Variants in FCHSD1 observed in about 807,000 individuals in gnomAD.
FCHSD1 encodes the protein F-BAR and double SH3 domains protein 1.
In FCHSD1, 109 loss-of-function variants were observed where a neutral mutation model predicts 101.3. The ratio of observed to expected loss-of-function variants is 1.08; its 90% confidence interval spans 0.92 to 1.26. The LOEUF (loss-of-function observed/expected upper bound fraction) is 1.26, where lower values mean the gene tolerates loss of function less well. Ranked by LOEUF, FCHSD1 falls within the 50% of genes most tolerant of loss-of-function variation. FCHSD1 has a pLI of 0.00. For synonymous variants in FCHSD1, 291 were observed against 356.8 expected (o/e 0.82, Z 2.08); for missense variants, 820 against 895.8 (o/e 0.92, Z 1.08).
At position 141,645,213 on chromosome 5, in the gene FCHSD1, C is replaced by T. The variant is rs569678362; in HGVS notation, c.1312-65G>A. The T allele has an allele frequency of 8.6e-6, 13 of 1,510,890 alleles. No individual in the cohort carries two copies. In the Admixed American group the frequency reaches 2.3e-4, roughly 27 times the overall value. The allele number at this position is 1,510,890 out of a possible 1,614,324, so 93.6% of individuals were successfully genotyped here. ...TCAAGCACTGGTTCTATCTCCCACT[C>T]TTCCATCTTTCCTCTAAAGGACACC... On this transcript the variant is annotated intron_variant, in intron 13 of 19. Coordinates refer to ENST00000435817, the MANE Select transcript of FCHSD1 (RefSeq NM_033449.3).
chr5:141,643,216 C>CGTTGG, intron 17 of FCHSD1, 128 bp from the exon 18 acceptor site: 1 of 543,090 alleles, frequency 1.8e-6, no homozygotes, highest in Non-Finnish European at 3.0e-6. Context: ...TGCTTGCATT[C>CGTTGG]GGTGGGGGGG....
rs1481980266 is a variant in FCHSD1 at position 141,651,408 on chromosome 5, C to G, written c.-40G>C. 3 of 1,550,266 alleles carry G rather than the reference C, an allele frequency of 1.9e-6. No homozygotes were observed. Among genetic ancestry groups the G allele is most frequent in the African/African-American group, 1.4e-5 (1 of 73,042 alleles). ...GGCGGTCAGCCACTGGACTCCGGAA[C>G]TGGAGGAAGCCCCGCCCACTATGGA... On this transcript the variant is annotated 5_prime_UTR_variant, in exon 1 of 20. Coordinates refer to ENST00000435817, the MANE Select transcript of FCHSD1 (RefSeq NM_033449.3).
At position 141,640,740 on chromosome 5, in the gene FCHSD1, C is replaced by A; in HGVS notation, c.*758G>T. ...GGTGGGTGGGCGTGAAAGCCCTCCC[C>A]TCCACTGGACAGCACTGCCCCCCAG... On this transcript the variant is annotated 3_prime_UTR_variant, in exon 20 of 20. Transcript: ENST00000435817. 7.1e-7 allele frequency: 1 copy of A among 1,406,780 alleles called. No individual in the cohort carries two copies. Among genetic ancestry groups the A allele is most frequent in the Non-Finnish European group, 9.6e-7 (1 of 1,037,358 alleles). 87.1% of individuals were successfully genotyped at this position (1,406,780 alleles called of 1,614,324 possible). A position where few individuals can be genotyped will look rare whatever the true frequency, so the allele number is the denominator to read the frequency against.
intron 1 of FCHSD1, 71 bp from the exon 2 acceptor site, chr5:141,651,188 A>G: frequency 1.4e-5 from 13 of 925,530 alleles, no homozygotes; most frequent in Non-Finnish European, 1.9e-5. Context: ...GGGAGCGGTG[A>G]GGGGGCGGGG....
At chr5:141,644,467 G>A (rs2099907406) in intron 16 of FCHSD1, 29 bp from the exon 17 acceptor site, 1 of 1,610,234 alleles carries the variant, frequency 6.2e-7, no homozygotes, top group Non-Finnish European at 8.5e-7. Flanking sequence ...GACGGTGAGA[G>A]GGAGGTGGGT....
In FCHSD1 at chr5:141,647,425, G is replaced by C. The variant is rs777736671; in HGVS notation, c.801C>G (p.Ala267=). The change falls in exon 9 of 20, where the codon GCC becomes GCG. Residue 267 remains alanine (A), a synonymous_variant. Transcript: ENST00000435817. ...GGGAGGTTGTCTGCTCCCCGCGGTG[G>C]GCATGCTCCAGGATGACCTCTGCGG... is the stretch of plus-strand genomic sequence containing the variant. The part of the protein sequence containing the change: ...LEAAEVILEH[A]HRGEQTTSQV... 7 of 1,604,168 alleles carry C rather than the reference G, an allele frequency of 4.4e-6. No individual in the cohort carries two copies. The South Asian group carries it at 7.8e-5, about 18-fold the overall frequency.
Position 141,647,078 on chromosome 5 carries a change from C to A in FCHSD1, c.924+57G>T, listed in dbSNP as rs931129588. 3.4e-6 allele frequency: 5 copies of A among 1,457,520 alleles called. No individual in the cohort carries two copies. In the African/African-American group the frequency reaches 5.6e-5, roughly 16 times the overall value. The allele number at this position is 1,457,520 out of a possible 1,614,324, so 90.3% of individuals were successfully genotyped here. A position where few individuals can be genotyped will look rare whatever the true frequency, so the allele number is the denominator to read the frequency against. ...CACAAAACAAAGATAATGGAGGAGGCCTAAATCATAATCGCCTTTATATGT... is the reference window on the plus strand; with the variant it reads ...CACAAAACAAAGATAATGGAGGAGGACTAAATCATAATCGCCTTTATATGT... On this transcript the variant is annotated intron_variant, in intron 10 of 19. Coordinates refer to ENST00000435817, the MANE Select transcript of FCHSD1 (RefSeq NM_033449.3).
chr5:141,650,980 G>A, intron 2 of FCHSD1, 40 bp downstream of exon 2: 4 of 1,531,024 alleles, frequency 2.6e-6, no homozygotes, highest in Non-Finnish European at 3.6e-6. Context: ...GGCGCACAAC[G>A]ACGAAGGTGA....
In FCHSD1 at chr5:141,650,956, T is replaced by TATTG. The variant is rs2099908312; in HGVS notation, c.119+60_119+63dup. The TATTG allele has an allele frequency of 9.1e-6, 13 of 1,433,418 alleles. 1 individual carries two copies. The highest frequency in any genetic ancestry group is 1.2e-5 in the Non-Finnish European group (12 of 1,039,432). 88.8% of individuals were successfully genotyped at this position (1,433,418 alleles called of 1,614,324 possible). The stretch of plus-strand genomic sequence containing the variant: ...CTGTTCCTCCACCCCAGCACATGTA[T>TATTG]ATTGGGGAGAAGTGGCGCACAACGA... On this transcript the variant is annotated intron_variant, in intron 2 of 19. Transcript: ENST00000435817.
Position 141,649,653 on chromosome 5 carries a change from T to G in FCHSD1, c.234-117A>C. Reference sequence around the variant, plus strand: ...GACAGAGTGCTTTCCCATCCTCCCTTGTCTGGGAGCCCATCAATCGATCAG... The same window carrying G: ...GACAGAGTGCTTTCCCATCCTCCCTGGTCTGGGAGCCCATCAATCGATCAG... On this transcript the variant is annotated intron_variant, in intron 4 of 19. Transcript: ENST00000435817. This position sits in a 1 kb window ranked among gnomAD's most constrained non-coding sequence, Gnocchi z 4.1. 1 of 1,377,394 alleles carries G rather than the reference T, an allele frequency of 7.3e-7. No homozygotes were observed. Among genetic ancestry groups the G allele is most frequent in the Non-Finnish European group, 9.7e-7 (1 of 1,031,966 alleles). The allele number at this position is 1,377,394 out of a possible 1,614,324, so 85.3% of individuals were successfully genotyped here.
chr5:141,646,514 G>A, intron 11 of FCHSD1, 89 bp downstream of exon 11: 1 of 1,504,368 alleles, frequency 6.6e-7, no homozygotes. Flanking sequence ...GTAGCTCCAT[G>A]ACACCCTCAA....
Position 141,640,150 on chromosome 5 carries a change from G to A in FCHSD1, c.*1348C>T, listed in dbSNP as rs769418606. The A allele has an allele frequency of 1.2e-6, 2 of 1,614,166 alleles. No homozygotes were observed. On this transcript the variant is annotated 3_prime_UTR_variant, in exon 20 of 20. Transcript: ENST00000435817. ...GTACAGAATGGAGGACTCAGGGACA[G>A]CAGCCTAACCCCTCGTGCACTTGAA...
At position 141,642,761 on chromosome 5, in the gene FCHSD1, T is replaced by TTCAATG. The variant is rs1469036877; in HGVS notation, c.1951+239_1951+240insCATTGA. On this transcript the variant is annotated intron_variant, in intron 18 of 19. Transcript: ENST00000435817. Reference sequence around the variant, plus strand: ...ATAAGAATTCAATAAGCTAGTACCTTTTCCTTACCTCATAAAGAACATAAA... The same window carrying TTCAATG: ...ATAAGAATTCAATAAGCTAGTACCTTTCAATGTTCCTTACCTCATAAAGAACATAAA... The TTCAATG allele has an allele frequency of 5.4e-6, 3 of 551,832 alleles. No homozygotes were observed. The African/African-American group carries it at 6.0e-5, about 11-fold the overall frequency. The allele number at this position is 551,832 out of a possible 1,614,324, so 34.2% of individuals were successfully genotyped here.
intron 2 of FCHSD1, 103 bp from the exon 3 acceptor site, chr5:141,650,507 G>C: frequency 1.4e-6 from 2 of 1,381,448 alleles, no homozygotes; most frequent in Non-Finnish European, 1.0e-6. Context: ...AGCGGTTGGG[G>C]GGAGCCAGGT....
chr5:141,644,870 C>A lies in FCHSD1; in HGVS notation c.1513G>T (p.Glu505Ter). Reference protein sequence around the residue: ...LEVIEEGDADEWVKARNQHGE... With the variant: ...LEVIEEGDAD The stretch of plus-strand genomic sequence containing the variant: ...GGTCCCATACCCACCTTGACCCATT[C>A]GTCAGCATCTCCCTCCTCTATGACC... The change falls in exon 15 of 20, where the codon GAA becomes TAA. Residue 505 changes from glutamate to a stop codon, truncating the protein, a stop_gained. Transcript: ENST00000435817. LOFTEE classifies it high-confidence loss of function. 6.2e-7 allele frequency: 1 copy of A among 1,613,694 alleles called. No individual in the cohort carries two copies. Among genetic ancestry groups the A allele is most frequent in the Non-Finnish European group, 8.5e-7 (1 of 1,179,820 alleles).
Position 141,644,664 on chromosome 5 carries a change from GC to G in FCHSD1, c.1550del (p.Gly517AlafsTer49), listed in dbSNP as rs759719183. 4 of 1,613,968 alleles carry G rather than the reference GC, an allele frequency of 2.5e-6. No individual in the cohort carries two copies. The highest frequency in any genetic ancestry group is 3.4e-6 in the Non-Finnish European group (4 of 1,179,874). ...AGTTGAGATATCGCTCAGGGACAAA[GC>G]CTACCTCGCCGTGCTGGTTCCGAGC... Reference protein sequence around the residue: ...VKARNQHGEVGFVPERYLNFP... With the variant: ...VKARNQHGEVXFVPERYLNFP... On this transcript the variant is annotated frameshift_variant, in exon 16 of 20. Transcript: ENST00000435817. LOFTEE classifies it high-confidence loss of function.
In FCHSD1 at chr5:141,651,118, C is replaced by G. The variant is rs1038366646; in HGVS notation, c.22-1G>C. On this transcript the variant is annotated splice_acceptor_variant, in intron 1 of 19. Transcript: ENST00000435817. LOFTEE classifies it high-confidence loss of function. ...GCTTCACCTCCTGGGCCGGCTTCAC[C>G]TGTGGGGGCAAAGAGAGGATGAAGA... 1.9e-6 allele frequency: 3 copies of G among 1,581,580 alleles called. No homozygotes were observed. Among genetic ancestry groups the G allele is most frequent in the Non-Finnish European group, 2.6e-6 (3 of 1,163,208 alleles).
rs759190176 is a variant in FCHSD1 at position 141,639,684 on chromosome 5, G to A, written c.*1814C>T. ...GTGCTCCAGGGAAAGGGGGGCTGAG[G>A]TAGGGGGCCCAGTGATCAGGCACCT... On this transcript the variant is annotated 3_prime_UTR_variant, in exon 20 of 20. Coordinates refer to ENST00000435817, the MANE Select transcript of FCHSD1 (RefSeq NM_033449.3). The surrounding 1 kb of genome is among the most constrained non-coding windows in gnomAD (Gnocchi z 4.4). 1 of 1,566,178 alleles carries A rather than the reference G, an allele frequency of 6.4e-7. No homozygotes were observed. Among genetic ancestry groups the A allele is most frequent in the South Asian group, 1.2e-5 (1 of 86,820 alleles).
Position 141,648,016 on chromosome 5 carries a change from A to C in FCHSD1, c.657T>G (p.Asn219Lys). 6.2e-7 allele frequency: 1 copy of C among 1,613,458 alleles called. No individual in the cohort carries two copies. The highest frequency in any genetic ancestry group is 8.5e-7 in the Non-Finnish European group (1 of 1,179,676). ...NEYLLNLVAT[N>K]AHLDHYYQEE... ...CCTGGTAGTAATGGTCGAGGTGGGC[A>C]TTGGTAGCCACCAAGTTAAGCAGGT... The change falls in exon 8 of 20, where the codon AAT becomes AAG. Residue 219 changes from asparagine (N) to lysine (K), a missense_variant. Physicochemically the swap from Asn to Lys is moderately conservative, Grantham distance 94. Transcript: ENST00000435817.
Sources: allele counts gnomAD v4.1 joint callset, GRCh38; gene constraint gnomAD v4.1.1; non-coding constraint Gnocchi (gnomAD v3.1); transcripts MANE v1.5; gene names NCBI Gene and HGNC (gene_info 2026-07-23, HGNC 2026-07-21).